The following ZBTB20 variants were observed in gnomAD, a reference collection of about 807,000 sequenced individuals.
ZBTB20 encodes zinc finger and BTB domain-containing protein 20.
A neutral mutation model predicts 56.9 loss-of-function variants in ZBTB20; 9 were observed. That is an observed-to-expected ratio of 0.16 (90% confidence interval 0.10 to 0.28). The LOEUF is 0.28. Among genes scored for constraint, ZBTB20 ranks in the 10% least tolerant of loss-of-function variants. The pLI is 1.00. For synonymous variants in ZBTB20, 417 were observed against 420.7 expected, an observed-to-expected ratio of 0.99 and a Z score of 0.11; for missense variants, 655 against 1,003.0, an observed-to-expected ratio of 0.65 and a Z score of 4.69.
intron 5 of ZBTB20, among the ~76,000 whole-genome samples, chr3:114,788,058 T>TA (rs1288142512): frequency 6.6e-6 from 1 of 152,166 alleles, no homozygotes; most frequent in East Asian, 1.9e-4. Context: ...CTTAAGCCAA[T>TA]AAATTACCAT....
intron 6 of ZBTB20, among the ~76,000 whole-genome samples, chr3:114,542,366 G>A (rs542764924): frequency 6.6e-6 from 1 of 152,170 alleles, no homozygotes; most frequent in South Asian, 2.1e-4. Context: ...TAGAGCTAAA[G>A]TGCCACCTCA....
At chr3:114,610,361 C>A (rs1265350533) in intron 6 of ZBTB20, among the ~76,000 whole-genome samples, 1 of 152,200 alleles carries the variant, frequency 6.6e-6, no homozygotes, top group African/African-American at 2.4e-5. Context: ...CAGGTCTTAA[C>A]CCCAGTTTGT....
At chr3:114,356,623 T>C (rs1220566000) in intron 10 of ZBTB20, among the ~76,000 whole-genome samples, 1 of 133,920 alleles carries the variant, frequency 7.5e-6, no homozygotes, top group Non-Finnish European at 1.7e-5. Context: ...GGTTAGTGGG[T>C]CTTGCACATG....
intron 6 of ZBTB20, among the ~76,000 whole-genome samples, chr3:114,613,775 C>CTG (rs1411753969): frequency 3.3e-5 from 5 of 151,996 alleles, no homozygotes; most frequent in African/African-American, 1.2e-4. Flanking sequence ...ATGATGGTGT[C>CTG]TGTGCATGTA....
chr3:114,476,436 T>C (rs1460894873), intron 7 of ZBTB20, among the ~76,000 whole-genome samples: 2 of 152,208 alleles, frequency 1.3e-5, no homozygotes, highest in African/African-American at 4.8e-5. Flanking sequence ...TGTAACAGAA[T>C]ATTATAAACT....
intron 5 of ZBTB20, among the ~76,000 whole-genome samples, chr3:114,771,075 C>T (rs1170431742): frequency 6.6e-6 from 1 of 152,116 alleles, no homozygotes; most frequent in Non-Finnish European, 1.5e-5. Context: ...TATATGACTT[C>T]TGTTACGCAA....
chr3:114,820,640 T>C lies in ZBTB20; in HGVS notation c.-416-19466A>G, dbSNP rs2073186022. Among the ~76,000 whole-genome samples, 5 of 152,254 alleles carry C rather than the reference T, an allele frequency of 3.3e-5. No individual in the cohort carries two copies. The South Asian group carries it at 1.0e-3, about 32-fold the overall frequency. On this transcript the variant is annotated intron_variant, in intron 4 of 11. Coordinates refer to ENST00000675478, the MANE Select transcript of ZBTB20 (RefSeq NM_001348800.3). ...ATTCACTTAAGGGAAAAAAATCAGA[T>C]ACCGATAAAAATCACTTTCATATAC...
intron 5 of ZBTB20, among the ~76,000 whole-genome samples, chr3:114,771,180 A>T (rs1170584744): frequency 6.6e-6 from 1 of 152,194 alleles, no homozygotes; most frequent in Non-Finnish European, 1.5e-5. Flanking sequence ...TTAAAGTGCA[A>T]ATAAATGACA....
intron 2 of ZBTB20, among the ~76,000 whole-genome samples, chr3:115,046,897 T>C (rs2081353658): frequency 1.3e-5 from 2 of 152,164 alleles, no homozygotes; most frequent in South Asian, 4.1e-4. Context: ...ACAAAAGTCA[T>C]CAAGCATTTC....
rs533715848 is a variant in ZBTB20 at position 114,731,126 on chromosome 3, T to C, written c.-342-37551A>G. ...GAGTAACAGAAAGCAACATAATTTA[T>C]CTTTTAGATGACTGTCATTCATATA... On this transcript the variant is annotated intron_variant, in intron 5 of 11. Transcript: ENST00000675478. Among the ~76,000 whole-genome samples, 6 of 152,320 alleles carry C rather than the reference T, an allele frequency of 3.9e-5. No homozygotes were observed. In the South Asian group the frequency reaches 1.2e-3, roughly 32 times the overall value.
At chr3:114,804,611 A>AT (rs139119585) in intron 4 of ZBTB20, among the ~76,000 whole-genome samples, 11 of 151,824 alleles carry the variant, frequency 7.2e-5, no homozygotes, top group Non-Finnish European at 1.3e-4. Flanking sequence ...TTATTTTAGT[A>AT]TTTTTTTCTT....
At chr3:114,733,531 T>C (rs1326646169) in intron 5 of ZBTB20, among the ~76,000 whole-genome samples, 4 of 152,198 alleles carry the variant, frequency 2.6e-5, no homozygotes, top group African/African-American at 9.7e-5. Flanking sequence ...AAGGCACTAG[T>C]GGTGCCAGGA....
At chr3:114,514,637 T>C (rs1479639366) in intron 6 of ZBTB20, among the ~76,000 whole-genome samples, 1 of 152,170 alleles carries the variant, frequency 6.6e-6, no homozygotes, top group Non-Finnish European at 1.5e-5. Flanking sequence ...GGGAATACTT[T>C]ATTTGGTCAC....
In ZBTB20 at chr3:114,477,825, GTCTT is replaced by G. The variant is rs199825303; in HGVS notation, c.-255+22523_-255+22526del. The stretch of plus-strand genomic sequence containing the variant: ...CCTGCACTCTTTTGCATAGACTTCA[GTCTT>G]TCTTTCTTTCTTTTCTTTTTTCTTT... On this transcript the variant is annotated intron_variant, in intron 7 of 11. Transcript: ENST00000675478. 4.5e-3 allele frequency among the ~76,000 whole-genome samples: 679 copies of G among 151,704 alleles called. 3 individuals carry two copies. The highest frequency in any genetic ancestry group is 0.015 in the African/African-American group (635 of 41,402).
intron 6 of ZBTB20, among the ~76,000 whole-genome samples, chr3:114,579,746 CA>C: frequency 6.6e-6 from 1 of 150,768 alleles, no homozygotes. Flanking sequence ...AACATAAGGA[CA>C]AAAAATTAAA....
intron 6 of ZBTB20, among the ~76,000 whole-genome samples, chr3:114,619,652 T>C (rs1403457191): frequency 1.3e-5 from 2 of 152,180 alleles, no homozygotes; most frequent in African/African-American, 2.4e-5. Context: ...CCCTCTCCTC[T>C]GAAGAAGGCT....
chr3:114,950,452 G>C (rs2077027089), intron 3 of ZBTB20, among the ~76,000 whole-genome samples: 1 of 151,820 alleles, frequency 6.6e-6, no homozygotes, highest in African/African-American at 2.4e-5. Context: ...TGTACTTAAG[G>C]GTGAGCCCTT....
intron 4 of ZBTB20, among the ~76,000 whole-genome samples, chr3:114,891,396 T>G (rs936812322): frequency 6.6e-6 from 1 of 152,226 alleles, no homozygotes; most frequent in African/African-American, 2.4e-5. Flanking sequence ...TCATGTCTCC[T>G]CAAGTATCAT....
At chr3:114,489,710 T>C (rs916003670) in intron 7 of ZBTB20, among the ~76,000 whole-genome samples, 11 of 152,130 alleles carry the variant, frequency 7.2e-5, no homozygotes, top group Admixed American at 5.9e-4. Context: ...GTGTGAATTA[T>C]AGAATCATAA....
Sources: gnomAD v4.1 joint callset for allele counts (sites outside exome capture counted in the v4.1 genomes callset) on GRCh38, gnomAD v4.1.1 for gene constraint, MANE v1.5 for transcripts, NCBI Gene and HGNC (gene_info 2026-07-23, HGNC 2026-07-21) for gene names.